The following AFG1L variants were observed in gnomAD, a reference collection of about 807,000 sequenced individuals.
The protein encoded by AFG1L is AFG1-like ATPase.
AFG1L carries 53 observed loss-of-function variants against 62.2 expected under a neutral mutation model. The ratio of observed to expected loss-of-function variants is 0.85; its 90% CI spans 0.68 to 1.07. AFG1L has a LOEUF of 1.07. Ranked by LOEUF, AFG1L falls within the 50% of genes least tolerant of loss-of-function variation. AFG1L has a pLI of 0.00. For missense variants in AFG1L, 555 were observed against 590.5 expected, an observed-to-expected ratio of 0.94 and a Z score of 0.62; for synonymous variants, 228 against 210.3, an observed-to-expected ratio of 1.08 and a Z score of -0.73.
intron 5 of AFG1L, among the ~76,000 whole-genome samples, chr6:108,362,482 A>G (rs2114484831): frequency 6.6e-6 from 1 of 152,338 alleles, no homozygotes; most frequent in South Asian, 2.1e-4. Context: ...TACAGCTAAA[A>G]TTCTATGTAG....
intron 10 of AFG1L, among the ~76,000 whole-genome samples, chr6:108,487,987 CA>C (rs138774976): frequency 0.032 from 4,845 of 152,218 alleles, 237 homozygotes; most frequent in African/African-American, 0.11. Context: ...ATTAACAGGT[CA>C]GTATACTCTG....
chr6:108,305,510 A>G (rs1005927430), intron 1 of AFG1L, among the ~76,000 whole-genome samples: 2 of 152,040 alleles, frequency 1.3e-5, no homozygotes, highest in Non-Finnish European at 1.5e-5. Flanking sequence ...CAGCCTCTCG[A>G]GTAGCTGGGA....
intron 7 of AFG1L, among the ~76,000 whole-genome samples, chr6:108,438,226 G>A (rs1771395440): frequency 6.6e-6 from 1 of 152,124 alleles, no homozygotes; most frequent in African/African-American, 2.4e-5. Flanking sequence ...CAACAGACTG[G>A]ATGACTTAAA....
Position 108,456,974 on chromosome 6 carries a change from A to G in AFG1L, c.890+9678A>G, listed in dbSNP as rs181208879. On this transcript the variant is annotated intron_variant, in intron 8 of 12. Transcript: ENST00000368977. ...CCACAAGTGCGTAGCAGGCTATGCC[A>G]TCTAGGTTTGTGTCAGTATACTCTT... is the stretch of plus-strand genomic sequence containing the variant. Among the ~76,000 whole-genome samples, 326 of 152,306 alleles carry G rather than the reference A, an allele frequency of 2.1e-3. 5 individuals carry two copies. Among genetic ancestry groups the G allele is most frequent in the Non-Finnish European group, 5.0e-4 (34 of 67,986 alleles).
At position 108,510,224 on chromosome 6, in the gene AFG1L, A is replaced by T. The variant is rs1400239320; in HGVS notation, c.1075A>T (p.Ser359Cys). The T allele has an allele frequency of 1.2e-6, 2 of 1,606,056 alleles. No homozygotes were observed. The highest frequency in any genetic ancestry group is 1.1e-5 in the South Asian group (1 of 88,958). The change falls in exon 11 of 13, where the codon AGT (serine) becomes TGT (cysteine). Residue 359 changes from serine to cysteine, a missense_variant. Physicochemically the swap from Ser to Cys is moderately radical, Grantham distance 112. Coordinates refer to ENST00000368977, the MANE Select transcript of AFG1L (RefSeq NM_145315.5). ...CATTTTATCATAGCCACTTGGAGCC[A>T]GTGACTATTTGGAACTATCAAAGAA... ...EELCERPLGA[S>C]DYLELSKNFD...
In AFG1L at chr6:108,307,369, T is replaced by C. The variant is rs137970191; in HGVS notation, c.139+12151T>C. Among the ~76,000 whole-genome samples, 1,129 of 152,076 alleles carry C rather than the reference T, an allele frequency of 7.4e-3. 5 individuals carry two copies. The highest frequency in any genetic ancestry group is 0.017 in the Middle Eastern group (5 of 294). ...TACATCATGTTTACAGTAGAAAATA[T>C]AGAAAAGACAACTGCTGTTAACTTT... On this transcript the variant is annotated intron_variant, in intron 1 of 12. Coordinates refer to ENST00000368977, the MANE Select transcript of AFG1L (RefSeq NM_145315.5).
intron 7 of AFG1L, among the ~76,000 whole-genome samples, chr6:108,419,515 C>T (rs1463310519): frequency 6.6e-6 from 1 of 152,046 alleles, no homozygotes; most frequent in Non-Finnish European, 1.5e-5. Context: ...TATGAATTTT[C>T]CTTTTCCTAA....
chr6:108,466,581 G>A (rs1026288916), intron 8 of AFG1L, among the ~76,000 whole-genome samples: 15 of 151,876 alleles, frequency 9.9e-5, no homozygotes, highest in Non-Finnish European at 1.9e-4. Flanking sequence ...CCAGGAGTGC[G>A]TGCACACAGA....
In AFG1L at chr6:108,347,592, C is replaced by T. The variant is rs114261596; in HGVS notation, c.415+553C>T. The stretch of plus-strand genomic sequence containing the variant: ...TATTGCTGGAAACTTTCTGAGTGGT[C>T]ACTTCTTTCTAGGTTTTCCTAATCA... On this transcript the variant is annotated intron_variant, in intron 3 of 12. Coordinates refer to ENST00000368977, the MANE Select transcript of AFG1L (RefSeq NM_145315.5). Among the ~76,000 whole-genome samples the T allele has an allele frequency of 2.6e-3, 399 of 152,260 alleles. 1 individual carries two copies. Among genetic ancestry groups the T allele is most frequent in the African/African-American group, 9.2e-3 (384 of 41,560 alleles).
intron 5 of AFG1L, among the ~76,000 whole-genome samples, chr6:108,362,701 G>T (rs1779594498): frequency 6.6e-6 from 1 of 152,188 alleles, no homozygotes; most frequent in Non-Finnish European, 1.5e-5. Flanking sequence ...CACACAACTG[G>T]TAACTAACAG....
chr6:108,379,775 G>A (rs556592439), intron 6 of AFG1L, among the ~76,000 whole-genome samples: 37 of 152,324 alleles, frequency 2.4e-4, no homozygotes, highest in Non-Finnish European at 4.6e-4. Flanking sequence ...GATGCCTGGC[G>A]CACTGCCTGG....
chr6:108,312,537 G>A (rs1261843990), intron 1 of AFG1L, among the ~76,000 whole-genome samples: 1 of 152,066 alleles, frequency 6.6e-6, no homozygotes, highest in African/African-American at 2.4e-5. Flanking sequence ...TAGCCTGGAC[G>A]AAGAGAGAGA....
intron 8 of AFG1L, among the ~76,000 whole-genome samples, chr6:108,447,795 A>T (rs1281173421): frequency 6.6e-6 from 1 of 152,188 alleles, no homozygotes; most frequent in Non-Finnish European, 1.5e-5. Flanking sequence ...GCTCCTGAGT[A>T]GGAGCGATTT....
intron 5 of AFG1L, among the ~76,000 whole-genome samples, chr6:108,358,338 G>A (rs1779381407): frequency 6.6e-6 from 1 of 152,150 alleles, no homozygotes; most frequent in South Asian, 2.1e-4. Context: ...CCTAGCCTTT[G>A]TAAAATGATC....
chr6:108,350,703 G>A (rs1459016926), intron 3 of AFG1L, among the ~76,000 whole-genome samples: 4 of 152,182 alleles, frequency 2.6e-5, no homozygotes, highest in African/African-American at 7.2e-5. Flanking sequence ...AGCTGACTGC[G>A]GTGGTGATGG....
At chr6:108,446,985 T>C (rs1445063379) in intron 7 of AFG1L, among the ~76,000 whole-genome samples, 2 of 152,202 alleles carry the variant, frequency 1.3e-5, no homozygotes, top group African/African-American at 2.4e-5. Flanking sequence ...TCAGAAAACA[T>C]GATGCAAATT....
Position 108,311,570 on chromosome 6 carries a change from C to T in AFG1L, c.140-12255C>T, listed in dbSNP as rs542839248. 4.0e-5 allele frequency among the ~76,000 whole-genome samples: 6 copies of T among 151,894 alleles called. No individual in the cohort carries two copies. The South Asian group carries it at 1.2e-3, about 32-fold the overall frequency. Reference sequence around the variant, plus strand: ...GAGATAGATGTGTTGGTGTGTTGCCCAGGCTGGTCTTAAACTCCGGGGCTC... The same window carrying T: ...GAGATAGATGTGTTGGTGTGTTGCCTAGGCTGGTCTTAAACTCCGGGGCTC... On this transcript the variant is annotated intron_variant, in intron 1 of 12. Coordinates refer to ENST00000368977, the MANE Select transcript of AFG1L (RefSeq NM_145315.5).
At chr6:108,329,850 A>G (rs1562478623) in intron 2 of AFG1L, among the ~76,000 whole-genome samples, 1 of 152,098 alleles carries the variant, frequency 6.6e-6, no homozygotes, top group Non-Finnish European at 1.5e-5. Flanking sequence ...TTCAGAACTC[A>G]TGTTGACATT....
chr6:108,390,431 G>A (rs1040072312), intron 6 of AFG1L, among the ~76,000 whole-genome samples: 2 of 152,184 alleles, frequency 1.3e-5, no homozygotes, highest in South Asian at 4.1e-4. Context: ...TCCTTTGGAG[G>A]GGGAGAGGTG....
Sources: gnomAD v4.1 joint callset for allele counts (sites outside exome capture counted in the v4.1 genomes callset) on GRCh38, gnomAD v4.1.1 for gene constraint, MANE v1.5 for transcripts, NCBI Gene and HGNC (gene_info 2026-07-23, HGNC 2026-07-21) for gene names.